SNAP91: variants seen among roughly 807,000 people sequenced by gnomAD.
The protein encoded by SNAP91 is clathrin coat assembly protein AP180.
In SNAP91, 27 loss-of-function variants were observed where a neutral mutation model predicts 100.3. The observed-to-expected ratio is 0.27, with a 90% confidence interval of 0.20 to 0.37. The LOEUF (loss-of-function observed/expected upper bound fraction) is 0.37. Ranked by LOEUF, SNAP91 falls within the 10% of genes least tolerant of loss-of-function variation. SNAP91 has a pLI of 1.00. For synonymous variants in SNAP91, 404 were observed against 398.6 expected (o/e 1.01, Z -0.16); for missense variants, 986 against 1,123.7 (o/e 0.88, Z 1.75).
At chr6:83,608,143 A>G (rs1458734331) in intron 12 of SNAP91, among the ~76,000 whole-genome samples, 1 of 152,202 alleles carries the variant, frequency 6.6e-6, no homozygotes, top group Non-Finnish European at 1.5e-5. Flanking sequence ...GCTGCAAAAA[A>G]TTTCAAAAAT....
intron 26 of SNAP91, among the ~76,000 whole-genome samples, chr6:83,572,833 T>C (rs1011295475): frequency 2.6e-5 from 4 of 152,198 alleles, no homozygotes; most frequent in Admixed American, 2.0e-4. Flanking sequence ...GATTACATTG[T>C]GAGATTTAAT....
chr6:83,606,649 C>T (rs2095634269), intron 13 of SNAP91, among the ~76,000 whole-genome samples: 1 of 152,194 alleles, frequency 6.6e-6, no homozygotes, highest in Non-Finnish European at 1.5e-5. Context: ...ATCAGGGTCC[C>T]AGGTTCCCCA....
intron 29 of SNAP91, among the ~76,000 whole-genome samples, 188 bp downstream of exon 29, chr6:83,555,955 T>C (rs1298986236): frequency 6.6e-6 from 1 of 152,158 alleles, no homozygotes; most frequent in East Asian, 1.9e-4. Context: ...TCCCTCCTAG[T>C]TACATAAATT....
chr6:83,556,082 A>C (rs916092973), intron 29 of SNAP91, 61 bp downstream of exon 29: 2 of 871,984 alleles, frequency 2.3e-6, no homozygotes, highest in African/African-American at 1.7e-5. Flanking sequence ...TACCTCTGAA[A>C]TAGCTAAGCA....
At chr6:83,635,693 T>C (rs534375710) in intron 8 of SNAP91, among the ~76,000 whole-genome samples, 1 of 152,214 alleles carries the variant, frequency 6.6e-6, no homozygotes, top group African/African-American at 2.4e-5. Context: ...AGTATTCATA[T>C]GTGAGGTTTC....
At chr6:83,555,469 T>A (rs746966306) in intron 29 of SNAP91, among the ~76,000 whole-genome samples, 1 of 152,206 alleles carries the variant, frequency 6.6e-6, no homozygotes. Context: ...ATGACTGTTC[T>A]ATTGAGAAGT....
chr6:83,637,204 GCTGTCCCCTTCAAGTA>G (rs1450671785), intron 8 of SNAP91, among the ~76,000 whole-genome samples: 2 of 152,202 alleles, frequency 1.3e-5, no homozygotes, highest in Non-Finnish European at 1.5e-5. Context: ...GGGCCTTGGT[GCTGTCCCCTTCAAGTA>G]CTGGTGCTGC....
chr6:83,612,347 G>T (rs187413358), intron 11 of SNAP91, among the ~76,000 whole-genome samples: 1 of 152,024 alleles, frequency 6.6e-6, no homozygotes, highest in Non-Finnish European at 1.5e-5. Flanking sequence ...GTGAGTTTTG[G>T]CTAATAATTT....
At chr6:83,646,446 C>G (rs537310728) in intron 7 of SNAP91, among the ~76,000 whole-genome samples, 4 of 152,206 alleles carry the variant, frequency 2.6e-5, no homozygotes, top group South Asian at 4.2e-4. Context: ...GGTGTATGCA[C>G]GTCCAGTTGT....
At chr6:83,564,211 A>AT (rs1218911936) in intron 26 of SNAP91, among the ~76,000 whole-genome samples, 4 of 151,588 alleles carry the variant, frequency 2.6e-5, no homozygotes, top group Non-Finnish European at 4.4e-5. Flanking sequence ...TCTATGGTTA[A>AT]TTTTTTTTTC....
At chr6:83,706,397 C>A (rs1050007129) in intron 2 of SNAP91, among the ~76,000 whole-genome samples, 1 of 152,170 alleles carries the variant, frequency 6.6e-6, no homozygotes, top group Non-Finnish European at 1.5e-5. Context: ...TCTTAGGTGC[C>A]CTGGCCCTGG....
intron 16 of SNAP91, among the ~76,000 whole-genome samples, chr6:83,597,698 C>T (rs2094628898): frequency 6.6e-6 from 1 of 152,126 alleles, no homozygotes; most frequent in African/African-American, 2.4e-5. Flanking sequence ...TGTTGTTTCC[C>T]TCAGCCTGAC....
At chr6:83,599,429 A>C (rs2094905879) in intron 16 of SNAP91, among the ~76,000 whole-genome samples, 1 of 152,200 alleles carries the variant, frequency 6.6e-6, no homozygotes, top group Non-Finnish European at 1.5e-5. Flanking sequence ...GCCTATGAGA[A>C]ACTACCCATA....
intron 22 of SNAP91, among the ~76,000 whole-genome samples, chr6:83,590,953 G>T (rs991473389): frequency 2.0e-5 from 3 of 151,352 alleles, no homozygotes; most frequent in African/African-American, 7.4e-5. Context: ...TTTTGTTTTA[G>T]ATTTGGGGGG....
rs779364749 is a variant in SNAP91, at chr6:83,553,689, G to A, written c.*607C>T. 3.3e-5 allele frequency: 5 copies of A among 151,960 alleles called. No individual in the cohort carries two copies. Among genetic ancestry groups the A allele is most frequent in the Non-Finnish European group, 7.4e-5 (5 of 67,992 alleles). The allele number at this position is 151,960 out of a possible 1,614,324, so 9.4% of individuals were successfully genotyped here. A position where few individuals can be genotyped will look rare whatever the true frequency, so the allele number is the denominator to read the frequency against. The stretch of plus-strand genomic sequence containing the variant: ...TCAAAGAGAAGTATTTATTATGGAC[G>A]TTAACCTTTATATTTTTTAAAATAA... On this transcript the variant is annotated 3_prime_UTR_variant, in exon 30 of 30. Transcript: ENST00000369694.
intron 8 of SNAP91, among the ~76,000 whole-genome samples, chr6:83,632,140 G>A (rs530876403): frequency 6.6e-6 from 1 of 152,188 alleles, no homozygotes; most frequent in South Asian, 2.1e-4. Context: ...ATTCTTGGCT[G>A]ATAATTGTTT....
chr6:83,565,675 A>G (rs2127953746), intron 26 of SNAP91, among the ~76,000 whole-genome samples: 1 of 152,344 alleles, frequency 6.6e-6, no homozygotes, highest in South Asian at 2.1e-4. Context: ...TTCTCTAAAG[A>G]AGATATACAA....
At chr6:83,640,033 C>G (rs1294326520) in intron 8 of SNAP91, among the ~76,000 whole-genome samples, 1 of 152,108 alleles carries the variant, frequency 6.6e-6, no homozygotes, top group African/African-American at 2.4e-5. Context: ...CGTGAATGTG[C>G]TTTAATGTAT....
At position 83,665,452 on chromosome 6, in the gene SNAP91, A is replaced by G; in HGVS notation, c.260T>C (p.Val87Ala). The G allele has an allele frequency of 6.2e-7, 1 of 1,612,340 alleles. No homozygotes were observed. Among genetic ancestry groups the G allele is most frequent in the Non-Finnish European group, 8.5e-7 (1 of 1,179,004 alleles). The change falls in exon 3 of 30, where the codon GTG becomes GCG. Residue 87 changes from valine to alanine, a missense_variant. Physicochemically the swap from Val to Ala is moderately conservative, Grantham distance 64. Transcript: ENST00000369694. ...KALVTTHHLM[V>A]HGNERFIQYL... Reference sequence around the variant, plus strand: ...TACTTAGTTTACCTCATTTCCATGCACCATGAGATGATGTGTTGTCACTAA... The same window carrying G: ...TACTTAGTTTACCTCATTTCCATGCGCCATGAGATGATGTGTTGTCACTAA...
Sources: gnomAD v4.1 joint callset for allele counts (sites outside exome capture counted in the v4.1 genomes callset) on GRCh38, gnomAD v4.1.1 for gene constraint, MANE v1.5 for transcripts, NCBI Gene and HGNC (gene_info 2026-07-23, HGNC 2026-07-21) for gene names.